Variants in CACNA2D3 observed in about 807,000 individuals in gnomAD.
CACNA2D3 encodes voltage-dependent calcium channel subunit alpha-2/delta-3.
Under a neutral mutation model 160.6 loss-of-function variants are expected in CACNA2D3, and 60 were observed. The ratio of observed to expected loss-of-function variants is 0.37; its 90% confidence interval spans 0.30 to 0.46. CACNA2D3 has a LOEUF of 0.46. Among genes scored for constraint, CACNA2D3 ranks in the 20% least tolerant of loss-of-function variants. CACNA2D3 has a pLI of 1.00. For missense variants in CACNA2D3, 1,205 were observed against 1,365.0 expected, an observed-to-expected ratio of 0.88 and a Z score of 1.85; for synonymous variants, 558 against 492.9, an observed-to-expected ratio of 1.13 and a Z score of -1.75.
intron 14 of CACNA2D3, among the ~76,000 whole-genome samples, chr3:54,821,202 G>A (rs1322683591): frequency 6.6e-6 from 1 of 152,288 alleles, no homozygotes; most frequent in East Asian, 1.9e-4. Context: ...AGAATTCTGA[G>A]TAGGCATAAG....
chr3:54,563,936 A>C (rs1286115200), intron 6 of CACNA2D3, among the ~76,000 whole-genome samples: 1 of 152,208 alleles, frequency 6.6e-6, no homozygotes, highest in African/African-American at 2.4e-5. Context: ...AGTCATGTTC[A>C]GCATGGCACA....
intron 3 of CACNA2D3, among the ~76,000 whole-genome samples, chr3:54,370,300 C>T (rs578262452): frequency 1.6e-4 from 25 of 152,262 alleles, no homozygotes; most frequent in African/African-American, 4.3e-4. Context: ...CAATGTAACA[C>T]GCTTCTAAGG....
intron 9 of CACNA2D3, among the ~76,000 whole-genome samples, chr3:54,614,079 G>A (rs907569257): frequency 2.0e-5 from 3 of 152,188 alleles, no homozygotes; most frequent in African/African-American, 7.2e-5. Context: ...ACAGCATGTT[G>A]TACTTGGTGG....
chr3:54,511,312 T>G (rs181993201), intron 5 of CACNA2D3, among the ~76,000 whole-genome samples: 380 of 152,236 alleles, frequency 2.5e-3, no homozygotes, highest in African/African-American at 8.7e-3. Flanking sequence ...TCTTTTTCAC[T>G]GCACTCTCCT....
At chr3:54,375,249 C>T (rs753622468) in intron 3 of CACNA2D3, among the ~76,000 whole-genome samples, 3 of 152,200 alleles carry the variant, frequency 2.0e-5, no homozygotes, top group Non-Finnish European at 2.9e-5. Flanking sequence ...CTACTGGTTT[C>T]TTTCCCATCC....
rs537913573 is a variant in CACNA2D3 at position 54,515,294 on chromosome 3, G to A, written c.544+11640G>A. ...AGATGTTCAGGAAATTAATAGCGCTGACTTTCCACTTTCTACCCTTCTGTT... is the reference window on the plus strand; with the variant it reads ...AGATGTTCAGGAAATTAATAGCGCTAACTTTCCACTTTCTACCCTTCTGTT... On this transcript the variant is annotated intron_variant, in intron 5 of 37. Transcript: ENST00000474759. Among the ~76,000 whole-genome samples the A allele has an allele frequency of 4.6e-5, 7 of 152,158 alleles. 1 individual carries two copies. The South Asian group carries it at 1.5e-3, about 32-fold the overall frequency.
At chr3:54,771,458 C>T (rs1003079446) in intron 13 of CACNA2D3, among the ~76,000 whole-genome samples, 6 of 152,248 alleles carry the variant, frequency 3.9e-5, no homozygotes, top group Admixed American at 3.9e-4. Context: ...AACTCAGGGG[C>T]CTCTTCTAAG....
At chr3:54,870,223 C>T (rs1699493756) in intron 17 of CACNA2D3, among the ~76,000 whole-genome samples, 1 of 152,144 alleles carries the variant, frequency 6.6e-6, no homozygotes, top group Non-Finnish European at 1.5e-5. Flanking sequence ...GGTCAGTTTA[C>T]ACTTGTCTGG....
intron 3 of CACNA2D3, among the ~76,000 whole-genome samples, chr3:54,385,393 A>G (rs1422802198): frequency 6.6e-6 from 1 of 152,154 alleles, no homozygotes; most frequent in Non-Finnish European, 1.5e-5. Context: ...GTGAGTTAGC[A>G]TCCGGGCTAG....
At chr3:54,542,601 G>A (rs112789365) in intron 5 of CACNA2D3, among the ~76,000 whole-genome samples, 14 of 152,298 alleles carry the variant, frequency 9.2e-5, no homozygotes, top group African/African-American at 3.4e-4. Context: ...TCTGATGTTG[G>A]AGGGCAGGAA....
At chr3:54,353,926 G>T (rs1182983015) in intron 3 of CACNA2D3, among the ~76,000 whole-genome samples, 1 of 152,128 alleles carries the variant, frequency 6.6e-6, no homozygotes, top group Non-Finnish European at 1.5e-5. Flanking sequence ...GTTCTTCCTG[G>T]CAGGACGGCT....
At chr3:54,596,977 A>G (rs1202214114) in intron 9 of CACNA2D3, among the ~76,000 whole-genome samples, 3 of 152,056 alleles carry the variant, frequency 2.0e-5, no homozygotes, top group Admixed American at 1.3e-4. Context: ...CCCACAGGCC[A>G]GCATCTCATG....
At chr3:54,262,028 G>A (rs1253441320) in intron 2 of CACNA2D3, among the ~76,000 whole-genome samples, 1 of 152,146 alleles carries the variant, frequency 6.6e-6, no homozygotes, top group African/African-American at 2.4e-5. Flanking sequence ...GGGGATAGGG[G>A]TTTTGGGGGA....
At chr3:54,244,199 G>A (rs1352072994) in intron 2 of CACNA2D3, among the ~76,000 whole-genome samples, 1 of 152,190 alleles carries the variant, frequency 6.6e-6, no homozygotes, top group African/African-American at 2.4e-5. Context: ...TTTGGTAGAA[G>A]TGGCCCCATG....
At chr3:54,969,348 C>T (rs976246165) in intron 28 of CACNA2D3, among the ~76,000 whole-genome samples, 2 of 151,544 alleles carry the variant, frequency 1.3e-5, no homozygotes, top group East Asian at 3.9e-4. Flanking sequence ...CACCCTCCAC[C>T]TCCCTGGTTC....
intron 27 of CACNA2D3, 62 bp from the exon 28 acceptor site, chr3:54,968,388 T>A: frequency 8.9e-7 from 1 of 1,118,914 alleles, no homozygotes; most frequent in East Asian, 2.5e-5. Flanking sequence ...TTTTCAACGA[T>A]AATCTTAAAT....
Position 55,018,253 on chromosome 3 carries a change from G to A in CACNA2D3, c.2923G>A (p.Ala975Thr). ...TLEPCDTEYP[A>T]FVSERTIKET... is the part of the protein sequence containing the mutation. ...GGAGCCTTGTGATACTGAATATCCAGCATTCGTCTCTGAGCGCACCATCAA... is the reference window on the plus strand; with the variant it reads ...GGAGCCTTGTGATACTGAATATCCAACATTCGTCTCTGAGCGCACCATCAA... Residue 975 changes from alanine to threonine, a missense_variant, in exon 35 of 38, where the codon GCA (alanine) becomes ACA (threonine). By Grantham distance (58) the Ala-to-Thr change is moderately conservative. Transcript: ENST00000474759. The A allele has an allele frequency of 6.2e-7, 1 of 1,613,324 alleles. No homozygotes were observed. Among genetic ancestry groups the A allele is most frequent in the South Asian group, 1.1e-5 (1 of 91,018 alleles).
chr3:54,890,364 T>C (rs1275500479), intron 24 of CACNA2D3, among the ~76,000 whole-genome samples: 11 of 151,364 alleles, frequency 7.3e-5, no homozygotes, highest in South Asian at 2.1e-4. Context: ...GGCGTGGTGG[T>C]AGGCGCCTGT....
At chr3:54,878,042 A>G (rs1699704374) in intron 18 of CACNA2D3, among the ~76,000 whole-genome samples, 4 of 152,340 alleles carry the variant, frequency 2.6e-5, no homozygotes, top group African/African-American at 9.6e-5. Flanking sequence ...GCCTCCAGCT[A>G]AAAATTATGC....
Sources: allele counts gnomAD v4.1 joint callset (sites outside exome capture counted in the v4.1 genomes callset), GRCh38; gene constraint gnomAD v4.1.1; transcripts MANE v1.5; gene names NCBI Gene and HGNC (gene_info 2026-07-23, HGNC 2026-07-21).